The following CSMD1 variants were observed in gnomAD, a reference collection of about 807,000 sequenced individuals.
CSMD1 encodes CUB and Sushi multiple domains 1.
CSMD1 carries 213 observed loss-of-function variants against 417.5 expected under a neutral mutation model. The ratio of observed to expected loss-of-function variants is 0.51; its 90% confidence interval spans 0.46 to 0.57. CSMD1 has a LOEUF of 0.57. Ranked by LOEUF, CSMD1 falls within the 20% of genes least tolerant of loss-of-function variation. The pLI, the probability that CSMD1 is intolerant of heterozygous loss-of-function variation, is 0.00. For synonymous variants in CSMD1, 2,862 were observed against 1,736.8 expected (o/e 1.65, Z -16.11); for missense variants, 6,923 against 4,529.7 (o/e 1.53, Z -15.17).
chr8:3,486,188 T>A (rs1818021496), intron 11 of CSMD1, among the ~76,000 whole-genome samples: 1 of 152,234 alleles, frequency 6.6e-6, no homozygotes, highest in Non-Finnish European at 1.5e-5. Context: ...ACTCTGGATG[T>A]TTTATTATAT....
intron 5 of CSMD1, among the ~76,000 whole-genome samples, chr8:3,901,512 C>T (rs534517597): frequency 6.6e-5 from 10 of 152,290 alleles, no homozygotes; most frequent in African/African-American, 1.2e-4. Context: ...ACCAAGGGAG[C>T]CACGCTTTGG....
At chr8:3,139,783 A>T (rs943171012) in intron 41 of CSMD1, among the ~76,000 whole-genome samples, 7 of 152,200 alleles carry the variant, frequency 4.6e-5, no homozygotes, top group African/African-American at 1.7e-4. Flanking sequence ...CATGGATAGT[A>T]GCTGAAAATG....
chr8:4,803,284 C>A (rs567114152), intron 1 of CSMD1, among the ~76,000 whole-genome samples: 1 of 152,030 alleles, frequency 6.6e-6, no homozygotes, highest in African/African-American at 2.4e-5. Flanking sequence ...ACAGAAACAT[C>A]GATAAAGCAA....
intron 3 of CSMD1, among the ~76,000 whole-genome samples, chr8:4,191,729 A>C (rs1799043334): frequency 1.5e-5 from 2 of 135,966 alleles, no homozygotes; most frequent in South Asian, 5.3e-4. Flanking sequence ...CCACTGAAAA[A>C]AGGGAAGGTC....
intron 25 of CSMD1, among the ~76,000 whole-genome samples, chr8:3,297,618 G>T (rs116985481): frequency 3.3e-5 from 5 of 152,112 alleles, no homozygotes; most frequent in Non-Finnish European, 7.4e-5. Context: ...AAAAATCTGT[G>T]ACACTTCAGT....
chr8:4,361,577 C>T (rs1801767048), intron 3 of CSMD1, among the ~76,000 whole-genome samples: 1 of 152,192 alleles, frequency 6.6e-6, no homozygotes, highest in Admixed American at 6.5e-5. Flanking sequence ...GTTTGTTCCT[C>T]TGTGAAACGC....
At chr8:4,176,284 A>G (rs150737894) in intron 3 of CSMD1, among the ~76,000 whole-genome samples, 9 of 152,188 alleles carry the variant, frequency 5.9e-5, no homozygotes, top group African/African-American at 2.2e-4. Context: ...TGAGAACAAA[A>G]TTCTATAGCA....
chr8:3,514,001 T>C (rs1204863674), intron 10 of CSMD1, among the ~76,000 whole-genome samples: 2 of 152,214 alleles, frequency 1.3e-5, no homozygotes, highest in Non-Finnish European at 2.9e-5. Context: ...CCAGGCCTTC[T>C]TTTTATCGTA....
At chr8:3,448,492 A>G (rs901965430) in intron 12 of CSMD1, among the ~76,000 whole-genome samples, 1 of 127,220 alleles carries the variant, frequency 7.9e-6, no homozygotes, top group Non-Finnish European at 1.7e-5. Context: ...AAAAAAGGTG[A>G]CTTTTTCCCT....
chr8:3,248,513 A>G (rs1368041073), intron 26 of CSMD1, among the ~76,000 whole-genome samples: 4 of 134,786 alleles, frequency 3.0e-5, no homozygotes, highest in Non-Finnish European at 6.4e-5. Context: ...GCCTGTAATC[A>G]ATTCCCTCCC....
intron 5 of CSMD1, among the ~76,000 whole-genome samples, chr8:3,952,861 A>G (rs1355515979): frequency 6.6e-6 from 1 of 152,230 alleles, no homozygotes; most frequent in Non-Finnish European, 1.5e-5. Flanking sequence ...TGAAAATAAG[A>G]GCAAAAAACA....
intron 3 of CSMD1, among the ~76,000 whole-genome samples, chr8:4,383,865 A>G (rs1166998945): frequency 3.9e-5 from 6 of 152,250 alleles, no homozygotes. Context: ...ACAGAATTTT[A>G]AAGAAGAAAA....
At chr8:3,710,296 C>G (rs1024834934) in intron 6 of CSMD1, among the ~76,000 whole-genome samples, 1 of 152,098 alleles carries the variant, frequency 6.6e-6, no homozygotes, top group Non-Finnish European at 1.5e-5. Flanking sequence ...ATAAATAAAT[C>G]TATCTATACA....
At chr8:4,753,027 G>C (rs75184275) in intron 1 of CSMD1, among the ~76,000 whole-genome samples, 1,646 of 152,268 alleles carry the variant, frequency 0.011, 13 homozygotes, top group East Asian at 0.054. Context: ...TTTATCCAAT[G>C]CATAATAAGA....
chr8:3,289,420 G>T (rs62503423), intron 25 of CSMD1, among the ~76,000 whole-genome samples: 18,142 of 146,970 alleles, frequency 0.12, 2,158 homozygotes, highest in Middle Eastern at 0.17. Context: ...CACAATGGTT[G>T]AACTAGTTTA....
chr8:3,376,471 A>T (rs1398031574), intron 18 of CSMD1, among the ~76,000 whole-genome samples: 1 of 152,166 alleles, frequency 6.6e-6, no homozygotes, highest in Non-Finnish European at 1.5e-5. Context: ...GATAATTAAA[A>T]TTTACAATGT....
At chr8:3,717,724 T>A (rs889163128) in intron 6 of CSMD1, among the ~76,000 whole-genome samples, 1 of 152,306 alleles carries the variant, frequency 6.6e-6, no homozygotes, top group Admixed American at 6.5e-5. Flanking sequence ...AAAAATAAAG[T>A]TGTTAATATT....
intron 12 of CSMD1, among the ~76,000 whole-genome samples, chr8:3,423,116 C>T (rs1231592954): frequency 6.6e-6 from 1 of 152,256 alleles, no homozygotes; most frequent in African/African-American, 2.4e-5. Context: ...CTTATTATTA[C>T]TCATCATAGT....
chr8:4,242,263 T>C (rs917928329), intron 3 of CSMD1, among the ~76,000 whole-genome samples: 5 of 152,186 alleles, frequency 3.3e-5, no homozygotes, highest in Admixed American at 2.6e-4. Context: ...CATCATCTTC[T>C]GTGAATGCTT....
Sources: allele counts gnomAD v4.1 joint callset (sites outside exome capture counted in the v4.1 genomes callset), GRCh38; gene constraint gnomAD v4.1.1; transcripts MANE v1.5; gene names NCBI Gene and HGNC (gene_info 2026-07-23, HGNC 2026-07-21).